Variants in RUNX1T1 observed in about 807,000 individuals in gnomAD.
RUNX1T1 encodes the protein RUNX1 partner transcriptional co-repressor 1.
In RUNX1T1, 4 loss-of-function variants were observed where a neutral mutation model predicts 62.8. The observed-to-expected ratio is 0.06, with a 90% CI of 0.03 to 0.15. RUNX1T1 has a LOEUF of 0.15. Among genes scored for constraint, RUNX1T1 ranks in the 10% least tolerant of loss-of-function variants. The probability of loss-of-function intolerance (pLI) is 1.00; values close to 1 mark genes in which losing one functional copy is unlikely to be tolerated. For synonymous variants in RUNX1T1, 291 were observed against 286.0 expected, an observed-to-expected ratio of 1.02 and a Z score of -0.18; for missense variants, 508 against 754.3, an observed-to-expected ratio of 0.67 and a Z score of 3.82.
At chr8:91,974,023 C>T (rs780614249) in intron 9 of RUNX1T1, among the ~76,000 whole-genome samples, 8 of 151,998 alleles carry the variant, frequency 5.3e-5, no homozygotes, top group Non-Finnish European at 1.0e-4. Flanking sequence ...TAAGGTTTAA[C>T]CCTTCTTGGA....
chr8:92,011,520 C>T (rs528239686), intron 3 of RUNX1T1, among the ~76,000 whole-genome samples: 1 of 152,346 alleles, frequency 6.6e-6, no homozygotes, highest in South Asian at 2.1e-4. Flanking sequence ...CACATCAGCA[C>T]TACTGCTGGT....
At chr8:92,065,551 C>T (rs148852364), upstream of RUNX1T1, among the ~76,000 whole-genome samples, 497 of 152,312 alleles carry the variant, frequency 3.3e-3, 4 homozygotes, top group African/African-American at 0.012. Flanking sequence ...AAATGCTGGG[C>T]TCCCACAAAA....
intron 1 of RUNX1T1, among the ~76,000 whole-genome samples, chr8:92,089,234 T>C (rs1204481277): frequency 6.6e-6 from 1 of 152,198 alleles, no homozygotes; most frequent in African/African-American, 2.4e-5. Flanking sequence ...CCACCCAAAT[T>C]AGAATCAAAT....
At chr8:91,986,070 A>T (rs1398748390) in intron 8 of RUNX1T1, 54 bp downstream of exon 9, 6 of 1,194,746 alleles carry the variant, frequency 5.0e-6, no homozygotes, top group Non-Finnish European at 7.5e-6. Context: ...TGAAGTCAGC[A>T]TTAACAGCAT....
chr8:92,081,663 C>T (rs1587531652), intron 1 of RUNX1T1, among the ~76,000 whole-genome samples: 1 of 149,882 alleles, frequency 6.7e-6, no homozygotes, highest in African/African-American at 2.5e-5. Flanking sequence ...TCCATGCCAG[C>T]AATTTCCACC....
exon 11 of RUNX1T1, chr8:91,960,273 G>T (rs1810133021): frequency 6.2e-7 from 1 of 1,609,616 alleles, no homozygotes; most frequent in Admixed American, 1.7e-5. Context: ...GGTGGAAGGG[G>T]TTCCCGGGGT....
At chr8:92,069,245 A>T (rs904427995) in intron 2 of RUNX1T1, among the ~76,000 whole-genome samples, 1 of 152,160 alleles carries the variant, frequency 6.6e-6, no homozygotes, top group African/African-American at 2.4e-5. Context: ...ATGACACATA[A>T]ATGTTTTGAC....
chr8:92,090,528 A>G (rs1836826771), intron 1 of RUNX1T1, among the ~76,000 whole-genome samples: 1 of 152,184 alleles, frequency 6.6e-6, no homozygotes, highest in Non-Finnish European at 1.5e-5. Context: ...ATTTGGTAAT[A>G]GAGAAGCCTG....
rs181773706 is a variant in RUNX1T1, at chr8:92,081,946, C to T, written c.-85-5809G>A. On this transcript the variant is annotated intron_variant, in intron 1 of 11. Coordinates refer to the RUNX1T1 transcript ENST00000265814. ...TGTCGCCCAGGCTGGAGTGAAGTGG[C>T]GCAATCTCCACTCACTGCAAGCTCC... 9.1e-4 allele frequency among the ~76,000 whole-genome samples: 139 copies of T among 152,162 alleles called. 1 individual carries two copies. Among genetic ancestry groups the T allele is most frequent in the African/African-American group, 2.7e-3 (112 of 41,508 alleles).
At chr8:92,011,142 A>C (rs1821840895) in intron 3 of RUNX1T1, 51 bp from the exon 5 acceptor site, 1 of 997,098 alleles carries the variant, frequency 1.0e-6, no homozygotes, top group Non-Finnish European at 1.6e-6. Context: ...GGTAAATAGT[A>C]AAAACACAAA....
At chr8:92,056,140 G>T (rs1473574681) in intron 1 of RUNX1T1, among the ~76,000 whole-genome samples, 2 of 152,170 alleles carry the variant, frequency 1.3e-5, no homozygotes, top group African/African-American at 4.8e-5. Flanking sequence ...AAGTCCTGAG[G>T]AAGGTGGTGA....
At chr8:91,980,497 G>T (rs1050798589) in intron 8 of RUNX1T1, among the ~76,000 whole-genome samples, 24 of 152,058 alleles carry the variant, frequency 1.6e-4, no homozygotes, top group African/African-American at 4.8e-4. Flanking sequence ...TTTAAGACAG[G>T]AATCTTTTCT....
intron 8 of RUNX1T1, among the ~76,000 whole-genome samples, chr8:91,978,917 C>T (rs1221200647): frequency 1.3e-5 from 2 of 152,202 alleles, no homozygotes; most frequent in Non-Finnish European, 2.9e-5. Flanking sequence ...CTTTAACTGA[C>T]ATAGAAACCC....
chr8:92,003,524 T>G (rs779694506), intron 5 of RUNX1T1: 10 of 389,278 alleles, frequency 2.6e-5, no homozygotes, highest in Non-Finnish European at 4.1e-5. Flanking sequence ...TATCTAAATC[T>G]TTCCCTGTTA....
Position 92,045,048 on chromosome 8 carries a change from T to C in RUNX1T1, c.7+17498A>G, listed in dbSNP as rs112734786. 1.4e-3 allele frequency among the ~76,000 whole-genome samples: 207 copies of C among 143,416 alleles called. 2 individuals carry two copies. The highest frequency in any genetic ancestry group is 5.1e-3 in the African/African-American group (196 of 38,334). The allele number at this position is 143,416 out of a possible 152,430, so 94.1% of individuals were successfully genotyped here. ...GAGTTCGAGACCAGCCTGGGCAATATAGTGAGACACTGGCTCTACAAAAAA... is the reference window on the plus strand; with the variant it reads ...GAGTTCGAGACCAGCCTGGGCAATACAGTGAGACACTGGCTCTACAAAAAA... On this transcript the variant is annotated intron_variant, in intron 1 of 10. Transcript: ENST00000396218.
chr8:92,020,184 C>G (rs80177675), intron 1 of RUNX1T1, among the ~76,000 whole-genome samples: 1 of 152,156 alleles, frequency 6.6e-6, no homozygotes, highest in Non-Finnish European at 1.5e-5. Flanking sequence ...AGGCCTAATC[C>G]ACATACACAT....
chr8:92,037,754 T>C (rs1827693446), intron 1 of RUNX1T1, among the ~76,000 whole-genome samples: 1 of 152,164 alleles, frequency 6.6e-6, no homozygotes, highest in African/African-American at 2.4e-5. Context: ...AGGTCTTCTA[T>C]GGAGCTTTCA....
At chr8:92,002,130 G>A (rs536708558) in intron 5 of RUNX1T1, among the ~76,000 whole-genome samples, 6 of 151,928 alleles carry the variant, frequency 3.9e-5, no homozygotes, top group African/African-American at 1.4e-4. Context: ...TATTAACAAA[G>A]AATAGAAATC....
At chr8:92,040,897 C>T (rs534539192) in intron 1 of RUNX1T1, among the ~76,000 whole-genome samples, 2 of 151,798 alleles carry the variant, frequency 1.3e-5, no homozygotes, top group African/African-American at 2.4e-5. Flanking sequence ...TTTTCAAATA[C>T]GAGGTCTTAC....
Sources: allele counts gnomAD v4.1 joint callset (sites outside exome capture counted in the v4.1 genomes callset), GRCh38; gene constraint gnomAD v4.1.1; transcripts MANE v1.5; gene names NCBI Gene and HGNC (gene_info 2026-07-23, HGNC 2026-07-21).